FANCC: variants seen among roughly 807,000 people sequenced by gnomAD.
The protein encoded by FANCC is FA complementation group C.
FANCC carries 55 observed loss-of-function variants against 71.3 expected under a neutral mutation model. That is an observed-to-expected ratio of 0.77 (90% CI 0.62 to 0.97). The LOEUF (loss-of-function observed/expected upper bound fraction) is 0.97, where lower values mean the gene tolerates loss of function less well. Among genes scored for constraint, FANCC ranks in the 50% least tolerant of loss-of-function variants. The pLI is 0.00. For synonymous variants in FANCC, 275 were observed against 244.9 expected (o/e 1.12, Z -1.15); for missense variants, 678 against 670.9 (o/e 1.01, Z -0.12).
At chr9:95,244,700 AAAAAAAAAAAAAAC>A in intron 3 of FANCC, among the ~76,000 whole-genome samples, 1 of 149,574 alleles carries the variant, frequency 6.7e-6, no homozygotes, top group African/African-American at 2.4e-5. Flanking sequence ...AAAAAAAAAA[AAAAAAAAAAAAAAC>A]CCAACACTTG....
chr9:95,201,910 T>C (rs1416765301), intron 4 of FANCC, among the ~76,000 whole-genome samples: 1 of 152,174 alleles, frequency 6.6e-6, no homozygotes, highest in Non-Finnish European at 1.5e-5. Flanking sequence ...ACTCCAAACC[T>C]CAGACTGGTG....
chr9:95,252,380 G>A (rs1831400974), intron 1 of FANCC, among the ~76,000 whole-genome samples: 1 of 151,248 alleles, frequency 6.6e-6, no homozygotes, highest in African/African-American at 2.4e-5. Context: ...ATGCAGATCA[G>A]TTTAGATATT....
At chr9:95,107,997 ACAAAG>A (rs2071590419) in intron 13 of FANCC, among the ~76,000 whole-genome samples, 1 of 152,214 alleles carries the variant, frequency 6.6e-6, no homozygotes, top group African/African-American at 2.4e-5. Flanking sequence ...GACTTGGAAA[ACAAAG>A]CAAAGCAAAA....
rs58708853 is a variant in FANCC at position 95,290,214 on chromosome 9, C to T, written c.-79+27312G>A. Reference sequence around the variant, plus strand: ...CATTAGAAGTGATAAGGGAGCTTCTCTTGCCATGCAAATCCATCCTTTGGG... The same window carrying T: ...CATTAGAAGTGATAAGGGAGCTTCTTTTGCCATGCAAATCCATCCTTTGGG... On this transcript the variant is annotated intron_variant, in intron 1 of 14. Coordinates refer to ENST00000289081, the MANE Select transcript of FANCC (RefSeq NM_000136.3). Among the ~76,000 whole-genome samples the T allele has an allele frequency of 2.1e-3, 321 of 152,312 alleles. 2 individuals carry two copies. Among genetic ancestry groups the T allele is most frequent in the African/African-American group, 7.2e-3 (299 of 41,568 alleles).
intron 7 of FANCC, among the ~76,000 whole-genome samples, chr9:95,146,132 T>C (rs888214043): frequency 6.6e-6 from 1 of 152,068 alleles, no homozygotes; most frequent in African/African-American, 2.4e-5. Context: ...TAAAATGCAT[T>C]GTATAGCAAG....
chr9:95,133,838 G>T (rs1253093415), intron 8 of FANCC, among the ~76,000 whole-genome samples: 1 of 152,194 alleles, frequency 6.6e-6, no homozygotes, highest in Non-Finnish European at 1.5e-5. Context: ...GGTAATTTAT[G>T]ACCTTGAATC....
intron 3 of FANCC, among the ~76,000 whole-genome samples, chr9:95,241,300 T>A (rs1406874572): frequency 6.6e-6 from 1 of 152,246 alleles, no homozygotes; most frequent in Admixed American, 6.5e-5. Context: ...ATATTTCTAG[T>A]ACCAAGTGCT....
At chr9:95,300,069 G>A (rs1029715540) in intron 1 of FANCC, among the ~76,000 whole-genome samples, 4 of 152,150 alleles carry the variant, frequency 2.6e-5, no homozygotes, top group South Asian at 2.1e-4. Flanking sequence ...TGATATTAGC[G>A]GCCAGCCAAT....
At chr9:95,199,879 T>C (rs576943160) in intron 4 of FANCC, among the ~76,000 whole-genome samples, 15 of 152,096 alleles carry the variant, frequency 9.9e-5, no homozygotes, top group Admixed American at 4.6e-4. Flanking sequence ...ATTTATTAGA[T>C]AAAAAAAATT....
intron 4 of FANCC, among the ~76,000 whole-genome samples, chr9:95,183,581 A>G (rs1376118795): frequency 6.6e-6 from 1 of 152,234 alleles, no homozygotes; most frequent in Non-Finnish European, 1.5e-5. Flanking sequence ...TACCCACAGA[A>G]TACTGGGAAA....
chr9:95,110,391 C>T, intron 13 of FANCC: 2 of 1,024,088 alleles, frequency 2.0e-6, no homozygotes, highest in South Asian at 4.6e-5. Flanking sequence ...CCCCGTACAT[C>T]TTATTACTGT....
In FANCC at chr9:95,102,554, G is replaced by A. The variant is rs79813577; in HGVS notation, c.1534-704C>T. On this transcript the variant is annotated intron_variant, in intron 14 of 14. Transcript: ENST00000289081. ...GGCTTAAGTTTTTGAAAGAGTAACC[G>A]ATATATTCACTTAGTGTGTGTCAGT... Among the ~76,000 whole-genome samples the A allele has an allele frequency of 3.6e-3, 545 of 152,322 alleles. 15 individuals carry two copies. In the East Asian group the frequency reaches 0.049, roughly 14 times the overall value.
intron 1 of FANCC, among the ~76,000 whole-genome samples, chr9:95,313,616 C>CT (rs1167655229): frequency 2.0e-5 from 3 of 152,174 alleles, no homozygotes; most frequent in Admixed American, 6.5e-5. Flanking sequence ...CCAACTCATT[C>CT]TAAGATGCCA....
chr9:95,189,308 C>G (rs1826932154), intron 4 of FANCC, among the ~76,000 whole-genome samples: 1 of 152,066 alleles, frequency 6.6e-6, no homozygotes, highest in Non-Finnish European at 1.5e-5. Context: ...GAAATAAACA[C>G]TCAGAAACCT....
intron 4 of FANCC, among the ~76,000 whole-genome samples, chr9:95,203,635 G>C (rs920851682): frequency 6.6e-6 from 1 of 151,866 alleles, no homozygotes; most frequent in Non-Finnish European, 1.5e-5. Flanking sequence ...TTGTAATCAA[G>C]CCTCAGAAAA....
chr9:95,196,378 C>T (rs554921168), intron 4 of FANCC, among the ~76,000 whole-genome samples: 1 of 152,006 alleles, frequency 6.6e-6, no homozygotes, highest in Admixed American at 6.6e-5. Context: ...GCTTTTTCTT[C>T]TTTAATATGG....
At chr9:95,111,175 T>C (rs2134534062) in intron 13 of FANCC, 3 of 1,535,892 alleles carry the variant, frequency 2.0e-6, no homozygotes, top group Middle Eastern at 1.7e-4. Flanking sequence ...GGGGCAGATA[T>C]GGCAGCTGAG....
intron 4 of FANCC, among the ~76,000 whole-genome samples, chr9:95,191,621 A>G (rs1368615301): frequency 6.6e-6 from 1 of 151,878 alleles, no homozygotes; most frequent in Non-Finnish European, 1.5e-5. Flanking sequence ...TGGTATCTCA[A>G]ATTTAACACA....
In FANCC at chr9:95,099,683, G is replaced by A. The variant is rs2071015463; in HGVS notation, c.*2024C>T. On this transcript the variant is annotated 3_prime_UTR_variant, in exon 15 of 15. Coordinates refer to ENST00000289081, the MANE Select transcript of FANCC (RefSeq NM_000136.3). ...GCACTTCAGTGCCACGTCCCCAGAG[G>A]GACAGTCCTCCCACCCAGGAACCCC... 1.3e-5 allele frequency: 3 copies of A among 232,054 alleles called. No individual in the cohort carries two copies. Among genetic ancestry groups the A allele is most frequent in the Admixed American group, 1.1e-4 (2 of 17,706 alleles). 14.4% of individuals were successfully genotyped at this position (232,054 alleles called of 1,614,324 possible).
Sources: gnomAD v4.1 joint callset for allele counts (sites outside exome capture counted in the v4.1 genomes callset) on GRCh38, gnomAD v4.1.1 for gene constraint, MANE v1.5 for transcripts, NCBI Gene and HGNC (gene_info 2026-07-23, HGNC 2026-07-21) for gene names.